Variants in ENTREP2 observed in about 807,000 individuals in gnomAD.
The protein encoded by ENTREP2 is protein ENTREP2.
chr15:29,221,051 G>A, the ENTREP2 span, among the ~76,000 whole-genome samples: 5 of 152,210 alleles, frequency 3.3e-5, no homozygotes, highest in African/African-American at 9.6e-5. Context: ...GGGAATCTGC[G>A]ATGCCAGTTG....
the ENTREP2 span, among the ~76,000 whole-genome samples, chr15:29,546,974 T>A: frequency 3.3e-4 from 49 of 149,976 alleles, no homozygotes; most frequent in African/African-American, 1.1e-3. Flanking sequence ...TAAAGAGATA[T>A]GGAGCATTCA....
chr15:29,572,858 AGAT>A, the ENTREP2 span, among the ~76,000 whole-genome samples: 81 of 149,578 alleles, frequency 5.4e-4, 1 homozygote, highest in Middle Eastern at 3.4e-3. Context: ...AAAAGGAATC[AGAT>A]GATAAGGAGA....
the ENTREP2 span, among the ~76,000 whole-genome samples, chr15:29,352,850 C>T: frequency 3.3e-5 from 5 of 152,248 alleles, no homozygotes; most frequent in Non-Finnish European, 7.3e-5. Context: ...CTGCCAACCA[C>T]TTGGCTCATT....
the ENTREP2 span, among the ~76,000 whole-genome samples, chr15:29,474,689 G>A: frequency 6.6e-6 from 1 of 151,980 alleles, no homozygotes; most frequent in African/African-American, 2.4e-5. Flanking sequence ...CAAGTAGCTG[G>A]GATTATAGAC....
the ENTREP2 span, among the ~76,000 whole-genome samples, chr15:29,473,068 G>A: frequency 6.6e-6 from 1 of 152,156 alleles, no homozygotes; most frequent in African/African-American, 2.4e-5. Flanking sequence ...AAGCAGGGGA[G>A]GGGCAGCTCA....
the ENTREP2 span, among the ~76,000 whole-genome samples, chr15:29,366,370 C>T: frequency 1.3e-5 from 2 of 152,128 alleles, no homozygotes; most frequent in South Asian, 4.2e-4. Flanking sequence ...CCACTGCATC[C>T]GACCTTCATT....
At chr15:29,348,010 G>T in the ENTREP2 span, among the ~76,000 whole-genome samples, 1 of 152,170 alleles carries the variant, frequency 6.6e-6, no homozygotes, top group African/African-American at 2.4e-5. Flanking sequence ...GGGATGGGTG[G>T]GGAGTATTGT....
the ENTREP2 span, among the ~76,000 whole-genome samples, chr15:29,151,289 G>A: frequency 6.6e-6 from 1 of 152,106 alleles, no homozygotes; most frequent in African/African-American, 2.4e-5. Context: ...ATGAGCTCAG[G>A]GTTCATTAGC....
chr15:29,558,821 C>T, the ENTREP2 span, among the ~76,000 whole-genome samples: 1 of 149,942 alleles, frequency 6.7e-6, no homozygotes, highest in Non-Finnish European at 1.5e-5. Context: ...TGATCCACCT[C>T]CACTTAATGA....
the ENTREP2 span, among the ~76,000 whole-genome samples, chr15:29,370,520 G>T: frequency 6.6e-6 from 1 of 152,012 alleles, no homozygotes; most frequent in African/African-American, 2.4e-5. Context: ...GCTCTATACT[G>T]AAAAATGAGA....
chr15:29,587,344 A>C, the ENTREP2 span, among the ~76,000 whole-genome samples: 1 of 152,074 alleles, frequency 6.6e-6, no homozygotes, highest in Non-Finnish European at 1.5e-5. Context: ...AGGACTGCAA[A>C]AGAGCTGTGA....
the ENTREP2 span, chr15:29,234,283 A>G: frequency 6.2e-7 from 1 of 1,612,486 alleles, no homozygotes; most frequent in Non-Finnish European, 8.5e-7. Context: ...CTCGTGCTGT[A>G]TCATCTTTCG....
At chr15:29,432,147 A>G in the ENTREP2 span, among the ~76,000 whole-genome samples, 1 of 152,216 alleles carries the variant, frequency 6.6e-6, no homozygotes, top group Non-Finnish European at 1.5e-5. Flanking sequence ...CAACTCATGG[A>G]GTCTAATTCT....
At chr15:29,289,867 A>G in the ENTREP2 span, among the ~76,000 whole-genome samples, 2 of 152,220 alleles carry the variant, frequency 1.3e-5, no homozygotes, top group Non-Finnish European at 2.9e-5. Context: ...ATATACATAT[A>G]TAAGTGAAAG....
chr15:29,658,225 T>C, the ENTREP2 span, among the ~76,000 whole-genome samples: 1 of 152,224 alleles, frequency 6.6e-6, no homozygotes, highest in African/African-American at 2.4e-5. Context: ...GATGGTTTTA[T>C]AAGGGGTTTC....
chr15:29,317,179 G>A, the ENTREP2 span, among the ~76,000 whole-genome samples: 2 of 152,108 alleles, frequency 1.3e-5, no homozygotes, highest in Non-Finnish European at 2.9e-5. Context: ...CTCAATTAGT[G>A]CCCAATTCAA....
the ENTREP2 span, among the ~76,000 whole-genome samples, chr15:29,611,900 G>C: frequency 6.6e-6 from 1 of 152,152 alleles, no homozygotes; most frequent in Non-Finnish European, 1.5e-5. Flanking sequence ...ATTTCTGCCT[G>C]TGCGTTCTGT....
the ENTREP2 span, among the ~76,000 whole-genome samples, chr15:29,672,505 A>G: frequency 6.6e-6 from 1 of 152,102 alleles, no homozygotes. Context: ...AGTATGGGAA[A>G]TTCCAGTTAT....
chr15:29,153,607 T>C, the ENTREP2 span, among the ~76,000 whole-genome samples: 1 of 152,224 alleles, frequency 6.6e-6, no homozygotes, highest in African/African-American at 2.4e-5. Flanking sequence ...ATATGAATTT[T>C]GGAGGGACAC....
Sources: allele counts gnomAD v4.1 joint callset (sites outside exome capture counted in the v4.1 genomes callset), GRCh38; gene constraint gnomAD v4.1.1; transcripts MANE v1.5; gene names NCBI Gene and HGNC (gene_info 2026-07-23, HGNC 2026-07-21).